Variants in MAST4 observed in about 807,000 individuals in gnomAD.
The protein encoded by MAST4 is microtubule associated serine/threonine kinase family member 4.
Under a neutral mutation model 162.7 loss-of-function variants are expected in MAST4, and 89 were observed. The observed-to-expected ratio is 0.55, with a 90% CI of 0.46 to 0.65. The LOEUF is 0.65. MAST4 is among the 30% of genes least tolerant of loss of function. The pLI is 0.00. For synonymous variants in MAST4, 1,479 were observed against 1,361.1 expected, an observed-to-expected ratio of 1.09 and a Z score of -1.91; for missense variants, 3,153 against 3,374.0, an observed-to-expected ratio of 0.93 and a Z score of 1.62.
chr5:66,663,512 T>G (rs1004344477), intron 1 of MAST4, among the ~76,000 whole-genome samples: 1 of 152,168 alleles, frequency 6.6e-6, no homozygotes, highest in Non-Finnish European at 1.5e-5. Flanking sequence ...CTTGAGATGA[T>G]AGCATTTGAA....
intron 12 of MAST4, among the ~76,000 whole-genome samples, chr5:67,116,101 C>T (rs1021988100): frequency 3.3e-5 from 5 of 152,160 alleles, no homozygotes; most frequent in African/African-American, 7.2e-5. Flanking sequence ...AAAACATGAA[C>T]AGTGATCTTT....
chr5:67,064,833 G>A (rs944440437), intron 5 of MAST4, among the ~76,000 whole-genome samples: 1 of 151,046 alleles, frequency 6.6e-6, no homozygotes, highest in Admixed American at 6.6e-5. Flanking sequence ...TTAGAGAGGA[G>A]AAGAACTCTT....
At chr5:67,009,461 A>G (rs1581186055) in intron 4 of MAST4, among the ~76,000 whole-genome samples, 1 of 152,146 alleles carries the variant, frequency 6.6e-6, no homozygotes, top group Admixed American at 6.5e-5. Flanking sequence ...TCTGAAGCCC[A>G]TTTACCTGGG....
chr5:66,627,251 C>T (rs1388840027), intron 1 of MAST4, among the ~76,000 whole-genome samples: 1 of 152,176 alleles, frequency 6.6e-6, no homozygotes, highest in East Asian at 1.9e-4. Context: ...AACTCACTCA[C>T]TATCACGAGA....
chr5:67,002,994 ATGCTCAAGAAAGC>A (rs1751461290), intron 4 of MAST4, among the ~76,000 whole-genome samples: 1 of 150,196 alleles, frequency 6.7e-6, no homozygotes, highest in African/African-American at 2.5e-5. Flanking sequence ...ACATCCTCCA[ATGCTCAAGAAAGC>A]TCCTCAGACA....
intron 4 of MAST4, among the ~76,000 whole-genome samples, chr5:66,948,696 G>A (rs1000494835): frequency 6.6e-6 from 1 of 152,130 alleles, no homozygotes; most frequent in Non-Finnish European, 1.5e-5. Context: ...AGATGGCCCA[G>A]AGTAATTTGA....
intron 1 of MAST4, among the ~76,000 whole-genome samples, chr5:66,676,680 C>T (rs10940076): frequency 0.26 from 38,852 of 152,084 alleles, 5,122 homozygotes; most frequent in South Asian, 0.3. Flanking sequence ...TCTTAATTGG[C>T]GCCAGGCTGC....
At chr5:66,870,284 G>A (rs1428372655) in intron 3 of MAST4, among the ~76,000 whole-genome samples, 1 of 152,152 alleles carries the variant, frequency 6.6e-6, no homozygotes, top group African/African-American at 2.4e-5. Context: ...ATGGACACAG[G>A]AGCTTCTGAG....
At chr5:66,683,208 T>G (rs1442743763) in intron 1 of MAST4, among the ~76,000 whole-genome samples, 1 of 152,200 alleles carries the variant, frequency 6.6e-6, no homozygotes, top group Non-Finnish European at 1.5e-5. Flanking sequence ...AAAAATTAAA[T>G]TCCTTAAACT....
chr5:67,159,390 C>T (rs1162819135), intron 26 of MAST4, among the ~76,000 whole-genome samples: 1 of 151,912 alleles, frequency 6.6e-6, no homozygotes, highest in African/African-American at 2.4e-5. Context: ...TGGATTACTT[C>T]CCAAATCAAG....
chr5:66,932,683 G>A (rs1427925416), intron 4 of MAST4, among the ~76,000 whole-genome samples: 1 of 152,074 alleles, frequency 6.6e-6, no homozygotes, highest in African/African-American at 2.4e-5. Context: ...GCTATGCGTG[G>A]GTCATGGGTT....
At chr5:66,819,760 T>A (rs903790013) in intron 3 of MAST4, among the ~76,000 whole-genome samples, 4 of 145,548 alleles carry the variant, frequency 2.7e-5, no homozygotes, top group African/African-American at 1.0e-4. Flanking sequence ...GAACTTAGCT[T>A]CTCCTCACTG....
At chr5:67,113,897 G>C (rs972619597) in intron 11 of MAST4, among the ~76,000 whole-genome samples, 190 bp from the exon 12 acceptor site, 1 of 152,294 alleles carries the variant, frequency 6.6e-6, no homozygotes. Flanking sequence ...AAATGTGTTG[G>C]CTTAGAATAT....
intron 4 of MAST4, among the ~76,000 whole-genome samples, chr5:67,018,052 T>C (rs1753527423): frequency 6.6e-6 from 1 of 152,182 alleles, no homozygotes; most frequent in African/African-American, 2.4e-5. Flanking sequence ...CCTAATATCC[T>C]TTTTCTATTC....
chr5:66,837,483 G>T (rs936211292), intron 3 of MAST4, among the ~76,000 whole-genome samples: 2 of 151,938 alleles, frequency 1.3e-5, no homozygotes, highest in Admixed American at 1.3e-4. Flanking sequence ...GTAGTATTTA[G>T]CACCATCAAT....
intron 4 of MAST4, among the ~76,000 whole-genome samples, chr5:67,024,123 T>C (rs1754325675): frequency 6.9e-6 from 1 of 145,294 alleles, no homozygotes; most frequent in South Asian, 2.3e-4. Flanking sequence ...ATTTGACTAC[T>C]CTAGGTACCT....
In MAST4 at chr5:67,165,467, A is replaced by G; in HGVS notation, c.6288A>G (p.Gly2096=). ...LLARRSLQPP[G]IESEKSEKLS... is the part of the protein sequence containing the mutation. ...CCAGGCGGTCTCTGCAGCCACCTGG[A>G]ATTGAGAGTGAGAAGAGTGAAAAGC... is the stretch of plus-strand genomic sequence containing the variant. The change falls in exon 29 of 29, where the codon GGA becomes GGG. Residue 2096 remains glycine, a synonymous_variant. Transcript: ENST00000403625. 5 of 1,613,874 alleles carry G rather than the reference A, an allele frequency of 3.1e-6. No individual in the cohort carries two copies. Among genetic ancestry groups the G allele is most frequent in the Non-Finnish European group, 4.2e-6 (5 of 1,179,882 alleles).
At chr5:66,884,949 T>C (rs1471825477) in intron 3 of MAST4, among the ~76,000 whole-genome samples, 2 of 152,214 alleles carry the variant, frequency 1.3e-5, no homozygotes, top group Non-Finnish European at 2.9e-5. Context: ...GCATATCATT[T>C]GGGCTGAATC....
chr5:66,714,708 C>T (rs533724634), intron 1 of MAST4, among the ~76,000 whole-genome samples: 12 of 152,238 alleles, frequency 7.9e-5, no homozygotes, highest in African/African-American at 2.6e-4. Flanking sequence ...GCTTTTTTGT[C>T]TTTTTTAAAC....
Sources: gnomAD v4.1 joint callset for allele counts (sites outside exome capture counted in the v4.1 genomes callset) on GRCh38, gnomAD v4.1.1 for gene constraint, MANE v1.5 for transcripts, NCBI Gene and HGNC (gene_info 2026-07-23, HGNC 2026-07-21) for gene names.